NCAM2: variants seen among roughly 807,000 people sequenced by gnomAD.
NCAM2 encodes the protein N-CAM-2.
Under a neutral mutation model 98.1 loss-of-function variants are expected in NCAM2, and 30 were observed. That is an observed-to-expected ratio of 0.31 (90% CI 0.23 to 0.41). The LOEUF is 0.41. Ranked by LOEUF, NCAM2 falls within the 10% of genes least tolerant of loss-of-function variation. The pLI, the probability that NCAM2 is intolerant of heterozygous loss-of-function variation, is 1.00. For missense variants in NCAM2, 867 were observed against 1,005.8 expected (o/e 0.86, Z 1.87); for synonymous variants, 368 against 342.4 (o/e 1.07, Z -0.83).
intron 1 of NCAM2, among the ~76,000 whole-genome samples, chr21:21,033,713 C>G (rs2064738343): frequency 6.6e-6 from 1 of 152,104 alleles, no homozygotes; most frequent in Non-Finnish European, 1.5e-5. Flanking sequence ...GAGCTGCCCT[C>G]AGAAAGAATA....
At chr21:21,437,630 A>G (rs1978584372) in intron 12 of NCAM2, among the ~76,000 whole-genome samples, 1 of 152,016 alleles carries the variant, frequency 6.6e-6, no homozygotes, top group Non-Finnish European at 1.5e-5. Context: ...AATCTTGTAC[A>G]TCAGAGACCC....
chr21:21,153,900 C>A (rs974640635), intron 1 of NCAM2, among the ~76,000 whole-genome samples: 1 of 151,452 alleles, frequency 6.6e-6, no homozygotes, highest in African/African-American at 2.4e-5. Flanking sequence ...AGTATGACAG[C>A]CAAATAAAGT....
intron 8 of NCAM2, among the ~76,000 whole-genome samples, chr21:21,365,668 T>A (rs1291934261): frequency 2.6e-5 from 4 of 152,046 alleles, no homozygotes; most frequent in Non-Finnish European, 4.4e-5. Flanking sequence ...GCCCTGCATA[T>A]GTATTTAGAA....
At chr21:21,249,058 C>T (rs1220034524) in intron 1 of NCAM2, among the ~76,000 whole-genome samples, 1 of 151,980 alleles carries the variant, frequency 6.6e-6, no homozygotes, top group Non-Finnish European at 1.5e-5. Context: ...ATCTAGCTTT[C>T]CTTACCAATT....
chr21:21,082,276 C>CAAAAAAAAAAAAAAAAA (rs1258667195), intron 1 of NCAM2, among the ~76,000 whole-genome samples: 1 of 19,374 alleles, frequency 5.2e-5, no homozygotes, highest in Non-Finnish European at 1.2e-4. Flanking sequence ...TATCAGAGCT[C>CAAAAAAAAAAAAAAAAA]AAAACAAAAA....
intron 1 of NCAM2, among the ~76,000 whole-genome samples, chr21:21,040,613 G>T (rs73214113): frequency 0.096 from 14,621 of 151,598 alleles, 879 homozygotes; most frequent in Non-Finnish European, 0.13. Flanking sequence ...AAAAAAAAAA[G>T]AAATCTTGTC....
chr21:21,269,686 A>G (rs1361832391), intron 1 of NCAM2, among the ~76,000 whole-genome samples: 1 of 152,192 alleles, frequency 6.6e-6, no homozygotes, highest in Non-Finnish European at 1.5e-5. Context: ...TAATGGTAAC[A>G]TCTTTCATAA....
intron 9 of NCAM2, among the ~76,000 whole-genome samples, chr21:21,389,356 A>G (rs948132877): frequency 6.6e-6 from 1 of 152,214 alleles, no homozygotes; most frequent in Admixed American, 6.5e-5. Flanking sequence ...CCTCCCACCA[A>G]TCCCCTTCCA....
chr21:21,433,620 G>GA (rs1485091368), intron 12 of NCAM2, among the ~76,000 whole-genome samples: 1 of 151,488 alleles, frequency 6.6e-6, no homozygotes, highest in African/African-American at 2.4e-5. Flanking sequence ...GCAGGCACCT[G>GA]TAGACCCAGC....
intron 1 of NCAM2, among the ~76,000 whole-genome samples, chr21:21,190,291 T>G (rs1171765270): frequency 1.3e-5 from 2 of 152,156 alleles, no homozygotes; most frequent in Admixed American, 1.3e-4. Flanking sequence ...TCTGAACAAA[T>G]GAGTTAGTTT....
At chr21:21,034,000 T>G (rs1164517849) in intron 1 of NCAM2, among the ~76,000 whole-genome samples, 1 of 149,696 alleles carries the variant, frequency 6.7e-6, no homozygotes, top group Non-Finnish European at 1.5e-5. Context: ...AAAGTGGGAT[T>G]GGTACCTTTG....
intron 9 of NCAM2, among the ~76,000 whole-genome samples, chr21:21,374,252 C>T (rs760962975): frequency 2.6e-4 from 40 of 151,726 alleles, no homozygotes; most frequent in Middle Eastern, 3.4e-3. Flanking sequence ...AATGGTCTTT[C>T]TTTTTTTGCA....
At chr21:21,246,891 T>C (rs536281154) in intron 1 of NCAM2, among the ~76,000 whole-genome samples, 1 of 152,340 alleles carries the variant, frequency 6.6e-6, no homozygotes, top group Admixed American at 6.5e-5. Context: ...AGTGAGTGGC[T>C]AGTATGTAAA....
intron 1 of NCAM2, among the ~76,000 whole-genome samples, chr21:21,068,128 T>TC (rs2065478750): frequency 7.7e-6 from 1 of 130,714 alleles, no homozygotes; most frequent in African/African-American, 2.8e-5. Context: ...AATAATGACT[T>TC]TTTTTTCTTT....
intron 9 of NCAM2, among the ~76,000 whole-genome samples, chr21:21,393,453 T>C (rs2076425967): frequency 6.6e-6 from 1 of 152,202 alleles, no homozygotes; most frequent in South Asian, 2.1e-4. Context: ...TGTACAATTT[T>C]TTCTTACCAT....
intron 1 of NCAM2, among the ~76,000 whole-genome samples, chr21:21,084,670 A>G (rs1368067067): frequency 6.6e-6 from 1 of 152,180 alleles, no homozygotes; most frequent in African/African-American, 2.4e-5. Flanking sequence ...ATATATATGG[A>G]TTAAGAAAGT....
intron 5 of NCAM2, among the ~76,000 whole-genome samples, chr21:21,318,885 A>G (rs2074294533): frequency 6.6e-6 from 1 of 152,212 alleles, no homozygotes; most frequent in South Asian, 2.1e-4. Context: ...CTTACATGTA[A>G]TGTCAGCTTG....
At chr21:21,239,932 C>G (rs2070997601) in intron 1 of NCAM2, among the ~76,000 whole-genome samples, 1 of 152,028 alleles carries the variant, frequency 6.6e-6, no homozygotes, top group African/African-American at 2.4e-5. Flanking sequence ...GGATACTTGG[C>G]TCAGGAAAAT....
At chr21:21,070,810 C>G (rs2065546286) in intron 1 of NCAM2, among the ~76,000 whole-genome samples, 1 of 152,136 alleles carries the variant, frequency 6.6e-6, no homozygotes, top group East Asian at 1.9e-4. Flanking sequence ...AACCTACATC[C>G]TGTTGGTAAG....
Sources: allele counts gnomAD v4.1 joint callset (sites outside exome capture counted in the v4.1 genomes callset), GRCh38; gene constraint gnomAD v4.1.1; transcripts MANE v1.5; gene names NCBI Gene and HGNC (gene_info 2026-07-23, HGNC 2026-07-21).